The following ADAMTS6 variants were observed in gnomAD, a reference collection of about 807,000 sequenced individuals.
ADAMTS6 encodes A disintegrin and metalloproteinase with thrombospondin motifs 6.
Under a neutral mutation model 144.3 loss-of-function variants are expected in ADAMTS6, and 23 were observed. The ratio of observed to expected loss-of-function variants is 0.16; its 90% CI spans 0.11 to 0.23. The LOEUF (loss-of-function observed/expected upper bound fraction) is 0.23, where lower values mean the gene tolerates loss of function less well. Among genes scored for constraint, ADAMTS6 ranks in the 10% least tolerant of loss-of-function variants. The pLI is 1.00. For synonymous variants in ADAMTS6, 444 were observed against 457.5 expected, an observed-to-expected ratio of 0.97 and a Z score of 0.38; for missense variants, 999 against 1,379.6, an observed-to-expected ratio of 0.72 and a Z score of 4.37.
Position 65,188,085 on chromosome 5 carries a change from C to T in ADAMTS6, c.2841G>A (p.Arg947=). ...TGTTGCAGGGCTCTTTTTCGACAGGCCGGTGTGTTAAACAACCACTGTAGT... is the reference window on the plus strand; with the variant it reads ...TGTTGCAGGGCTCTTTTTCGACAGGTCGGTGTGTTAAACAACCACTGTAGT... The part of the protein sequence containing the change: ...TLDYSGCLTH[R]PVEKEPCNNQ... The change falls in exon 22 of 25, where the codon CGG becomes CGA. Residue 947 remains arginine (R), a synonymous_variant. Coordinates refer to ENST00000381055, the MANE Select transcript of ADAMTS6 (RefSeq NM_197941.4). 6.2e-7 allele frequency: 1 copy of T among 1,614,118 alleles called. No homozygotes were observed. The highest frequency in any genetic ancestry group is 2.2e-5 in the East Asian group (1 of 44,880).
intron 9 of ADAMTS6, among the ~76,000 whole-genome samples, chr5:65,328,392 CAGG>C (rs1236240414): frequency 6.6e-6 from 1 of 152,042 alleles, no homozygotes; most frequent in Non-Finnish European, 1.5e-5. Flanking sequence ...CTACAAATGT[CAGG>C]AGTTCTTGCA....
intron 7 of ADAMTS6, among the ~76,000 whole-genome samples, chr5:65,349,760 C>T (rs1748674609): frequency 6.6e-6 from 1 of 150,918 alleles, no homozygotes; most frequent in Non-Finnish European, 1.5e-5. Flanking sequence ...GAGGCTGAGA[C>T]AAGAGAATTG....
intron 8 of ADAMTS6, among the ~76,000 whole-genome samples, chr5:65,333,244 T>C (rs1313686604): frequency 2.0e-5 from 3 of 152,138 alleles, no homozygotes; most frequent in Non-Finnish European, 4.4e-5. Context: ...AAAAAGCTTC[T>C]GTCCTTTAAA....
intron 7 of ADAMTS6, among the ~76,000 whole-genome samples, chr5:65,367,297 T>C (rs1186383280): frequency 6.6e-6 from 1 of 152,166 alleles, no homozygotes; most frequent in African/African-American, 2.4e-5. Context: ...GAGCATTCTT[T>C]ATCCTGAGCT....
intron 2 of ADAMTS6, among the ~76,000 whole-genome samples, chr5:65,472,021 GACAA>G (rs1214361549): frequency 6.6e-6 from 1 of 152,118 alleles, no homozygotes. Flanking sequence ...TTGATGAATA[GACAA>G]ACAAAATGTA....
chr5:65,192,756 G>C (rs1755096193), intron 21 of ADAMTS6, among the ~76,000 whole-genome samples: 2 of 151,320 alleles, frequency 1.3e-5, no homozygotes, highest in South Asian at 4.2e-4. Context: ...TATAAAAAGA[G>C]TTGCTGCTAT....
chr5:65,357,045 G>A (rs1296872606), intron 7 of ADAMTS6, among the ~76,000 whole-genome samples: 1 of 151,752 alleles, frequency 6.6e-6, no homozygotes, highest in Non-Finnish European at 1.5e-5. Context: ...GACAAAGGAG[G>A]AGAGGAGTGT....
At chr5:65,414,341 G>T (rs921605248) in intron 7 of ADAMTS6, among the ~76,000 whole-genome samples, 50 of 151,640 alleles carry the variant, frequency 3.3e-4, no homozygotes, top group African/African-American at 1.2e-3. Flanking sequence ...AGACTTCTGT[G>T]TGACATAAAA....
chr5:65,406,459 G>A (rs146978028), intron 7 of ADAMTS6, among the ~76,000 whole-genome samples: 64 of 152,186 alleles, frequency 4.2e-4, no homozygotes, highest in African/African-American at 1.4e-3. Flanking sequence ...TTATTGATTT[G>A]CGTATGTTAA....
At chr5:65,442,531 C>G (rs1311525459) in intron 7 of ADAMTS6, among the ~76,000 whole-genome samples, 2 of 152,030 alleles carry the variant, frequency 1.3e-5, no homozygotes, top group African/African-American at 4.8e-5. Context: ...AAGGAACTAT[C>G]TCATAACTCA....
intron 15 of ADAMTS6, among the ~76,000 whole-genome samples, chr5:65,238,605 A>G (rs1236391139): frequency 6.6e-6 from 1 of 152,146 alleles, no homozygotes; most frequent in African/African-American, 2.4e-5. Context: ...GTCTCAAAAA[A>G]AAAAAAAGGA....
At chr5:65,161,468 T>C (rs1045297227) in intron 24 of ADAMTS6, among the ~76,000 whole-genome samples, 4 of 152,252 alleles carry the variant, frequency 2.6e-5, no homozygotes, top group Non-Finnish European at 4.4e-5. Context: ...CTATGTGTTA[T>C]ATAGATGGCT....
intron 7 of ADAMTS6, among the ~76,000 whole-genome samples, chr5:65,339,472 C>T (rs1205688224): frequency 7.2e-6 from 1 of 139,540 alleles, no homozygotes. Context: ...AAAAAAAATG[C>T]AACCCACAAA....
intron 7 of ADAMTS6, among the ~76,000 whole-genome samples, chr5:65,375,305 C>T (rs1444401986): frequency 6.6e-6 from 1 of 151,892 alleles, no homozygotes; most frequent in Non-Finnish European, 1.5e-5. Flanking sequence ...AAAGAAACTA[C>T]CATCAGAGTG....
intron 7 of ADAMTS6, among the ~76,000 whole-genome samples, chr5:65,400,015 T>G (rs1753783056): frequency 6.6e-6 from 1 of 152,216 alleles, no homozygotes; most frequent in Non-Finnish European, 1.5e-5. Context: ...AAGGATAATT[T>G]CACAGGGTAC....
At chr5:65,371,447 C>T (rs547836392) in intron 7 of ADAMTS6, among the ~76,000 whole-genome samples, 96 of 152,106 alleles carry the variant, frequency 6.3e-4, no homozygotes, top group African/African-American at 2.2e-3. Flanking sequence ...GAGCTGAAAA[C>T]CAAGGCTCGA....
At chr5:65,376,224 C>G (rs536578924) in intron 7 of ADAMTS6, among the ~76,000 whole-genome samples, 1 of 151,910 alleles carries the variant, frequency 6.6e-6, no homozygotes, top group South Asian at 2.1e-4. Flanking sequence ...AACTAACCTG[C>G]ACATTGTGCA....
chr5:65,372,044 A>C (rs912984508), intron 7 of ADAMTS6, among the ~76,000 whole-genome samples: 1 of 152,052 alleles, frequency 6.6e-6, no homozygotes, highest in Non-Finnish European at 1.5e-5. Flanking sequence ...TGAAGGACAA[A>C]TAAAATACTT....
At chr5:65,434,823 T>G (rs1315874128) in intron 7 of ADAMTS6, among the ~76,000 whole-genome samples, 1 of 152,120 alleles carries the variant, frequency 6.6e-6, no homozygotes, top group Non-Finnish European at 1.5e-5. Context: ...TGTAGAGCAC[T>G]TAGTCAGTGC....
Sources: gnomAD v4.1 joint callset for allele counts (sites outside exome capture counted in the v4.1 genomes callset) on GRCh38, gnomAD v4.1.1 for gene constraint, MANE v1.5 for transcripts, NCBI Gene and HGNC (gene_info 2026-07-23, HGNC 2026-07-21) for gene names.